Variants in RUFY3 observed in about 807,000 individuals in gnomAD.
RUFY3 encodes the protein protein RUFY3.
Under a neutral mutation model 84.0 loss-of-function variants are expected in RUFY3, and 34 were observed. The ratio of observed to expected loss-of-function variants is 0.40; its 90% CI spans 0.31 to 0.54. The LOEUF is 0.54. RUFY3 is among the 20% of genes least tolerant of loss of function. RUFY3 has a pLI of 0.39. For missense variants in RUFY3, 507 were observed against 736.8 expected (o/e 0.69, Z 3.61); for synonymous variants, 242 against 252.9 (o/e 0.96, Z 0.41).
upstream of RUFY3, chr4:70,721,897 A>G (rs1742344607): frequency 8.1e-7 from 1 of 1,231,142 alleles, no homozygotes; most frequent in Non-Finnish European, 1.0e-6. Context: ...AGCATCTATA[A>G]AGCATCCTGG....
At chr4:70,806,215 C>T (rs1395682348) in intron 17 of RUFY3, among the ~76,000 whole-genome samples, 1 of 152,182 alleles carries the variant, frequency 6.6e-6, no homozygotes, top group Admixed American at 6.5e-5. Context: ...TTAAAACTAA[C>T]CTACCTCAAA....
chr4:70,723,143 A>G (rs1265918094), intron 1 of RUFY3, among the ~76,000 whole-genome samples: 3 of 152,218 alleles, frequency 2.0e-5, no homozygotes, highest in Admixed American at 2.0e-4. Context: ...GACTATAATT[A>G]TAGGATTGTA....
chr4:70,745,342 A>T (rs1722030212), intron 1 of RUFY3, among the ~76,000 whole-genome samples: 1 of 152,228 alleles, frequency 6.6e-6, no homozygotes, highest in Non-Finnish European at 1.5e-5. Context: ...CAATTGTATG[A>T]TGTACAACAC....
At position 70,704,979 on chromosome 4, in the gene RUFY3, T is replaced by C. The variant is rs1740091197; in HGVS notation, c.43T>C (p.Cys15Arg). 6 of 1,224,866 alleles carry C rather than the reference T, an allele frequency of 4.9e-6. No individual in the cohort carries two copies. The South Asian group carries it at 2.2e-4, about 46-fold the overall frequency. The allele number at this position is 1,224,866 out of a possible 1,614,324, so 75.9% of individuals were successfully genotyped here. ...GCCGCCCACCGCTGGTGCCGAAAGT[T>C]GCAGCGAGGAGCCGGCGAGGGGCGG... The change falls in exon 1 of 12, where the codon TGC (cysteine) becomes CGC (arginine). Residue 15 changes from cysteine to arginine, a missense_variant. By Grantham distance (180) the Cys-to-Arg change is radical. Coordinates refer to the RUFY3 transcript ENST00000417478.
intron 1 of RUFY3, among the ~76,000 whole-genome samples, chr4:70,730,630 T>C (rs1357820873): frequency 2.0e-5 from 3 of 150,194 alleles, no homozygotes; most frequent in African/African-American, 7.4e-5. Context: ...TCCCAACTAC[T>C]TGGGAGACTG....
At chr4:70,717,409 G>A (rs1364425923), upstream of RUFY3, among the ~76,000 whole-genome samples, 2 of 152,154 alleles carry the variant, frequency 1.3e-5, no homozygotes, top group African/African-American at 4.8e-5. Context: ...CAGTTTGTCA[G>A]AATGTGCCCA....
chr4:70,727,975 GTA>G (rs1718575858), intron 1 of RUFY3, among the ~76,000 whole-genome samples: 1 of 151,992 alleles, frequency 6.6e-6, no homozygotes. Flanking sequence ...AATTAGAAAT[GTA>G]TATGTTAATA....
intron 1 of RUFY3, among the ~76,000 whole-genome samples, chr4:70,744,627 T>A (rs906733517): frequency 7.2e-5 from 11 of 151,728 alleles, no homozygotes; most frequent in African/African-American, 2.7e-4. Context: ...GTTTCAGTTC[T>A]GTCACAATTG....
chr4:70,757,822 T>A (rs1242004990), intron 1 of RUFY3, among the ~76,000 whole-genome samples: 2 of 152,152 alleles, frequency 1.3e-5, no homozygotes, highest in African/African-American at 4.8e-5. Context: ...ATTAAAACAA[T>A]ATCTAACACA....
chr4:70,736,594 G>A (rs113036297), intron 1 of RUFY3, among the ~76,000 whole-genome samples: 1,712 of 151,358 alleles, frequency 0.011, 35 homozygotes, highest in African/African-American at 0.039. Context: ...TTTCTGAGAC[G>A]GAGTTTTGCT....
At chr4:70,739,218 TG>T (rs1469856847) in intron 1 of RUFY3, among the ~76,000 whole-genome samples, 7 of 152,314 alleles carry the variant, frequency 4.6e-5, no homozygotes, top group African/African-American at 1.7e-4. Flanking sequence ...AATAATACTA[TG>T]GTTAGTTTAA....
At position 70,788,810 on chromosome 4, in the gene RUFY3, T is replaced by A. The variant is rs140962303; in HGVS notation, c.1076T>A (p.Val359Asp). Residue 359 changes from valine (V) to aspartate (D), a missense_variant, in exon 11 of 18, where the codon GTT becomes GAT. Physicochemically the swap from Val to Asp is radical, Grantham distance 152. Around this residue, in one of 4 missense-constraint regions of RUFY3, gnomAD observed 334 missense variants for 364.1 expected, o/e 0.92. Coordinates refer to ENST00000381006, the MANE Select transcript of RUFY3 (RefSeq NM_001037442.4). ...LKEETQLRLD[V>D]EKELEMQISM... is the part of the protein sequence containing the mutation. ...TTTACTTACCTTTGGGGGCAGGATG[T>A]TGAGAAAGAACTGGAGATGCAGATC... 6.8e-6 allele frequency: 11 copies of A among 1,613,706 alleles called. No homozygotes were observed. Among genetic ancestry groups the A allele is most frequent in the Non-Finnish European group, 9.3e-6 (11 of 1,179,862 alleles).
rs772147067 is a variant in RUFY3, at chr4:70,807,380, A to ATTT, written c.*721_*722insTTT. The ATTT allele has an allele frequency of 1.4e-4, 22 of 152,202 alleles. No homozygotes were observed. The highest frequency in any genetic ancestry group is 3.3e-4 in the Admixed American group (5 of 15,274). The allele number at this position is 152,202 out of a possible 1,614,324, so 9.4% of individuals were successfully genotyped here. On this transcript the variant is annotated 3_prime_UTR_variant, in exon 18 of 18. Transcript: ENST00000381006. Reference sequence around the variant, plus strand: ...ACTGCCCTTTTCAGAATCTCCTTCCACAAAACAAGCCAACTCTTCCCCATT... The same window carrying ATTT: ...ACTGCCCTTTTCAGAATCTCCTTCCATTTCAAAACAAGCCAACTCTTCCCCATT...
intron 8 of RUFY3, among the ~76,000 whole-genome samples, chr4:70,782,149 T>C (rs563783329): frequency 2.6e-5 from 4 of 152,298 alleles, no homozygotes; most frequent in African/African-American, 9.6e-5. Flanking sequence ...ACAGGACCCC[T>C]TTATTAAACA....
Position 70,806,513 on chromosome 4 carries a change from T to C in RUFY3, c.1720-3T>C, listed in dbSNP as rs202244546. The C allele has an allele frequency of 2.5e-6, 4 of 1,614,122 alleles. No homozygotes were observed. Among genetic ancestry groups the C allele is most frequent in the African/African-American group, 2.7e-5 (2 of 75,050 alleles). ...TTCCCCGCCTAACCTCCTCTTCTCA[T>C]AGAATGTGTGTAAGAACTGCAGCGG... On this transcript the variant is annotated splice_polypyrimidine_tract_variant and splice_region_variant and intron_variant, in intron 17 of 17. Transcript: ENST00000381006.
chr4:70,704,168 C>G (rs1225623180), upstream of RUFY3: 2 of 152,180 alleles, frequency 1.3e-5, no homozygotes, highest in African/African-American at 4.8e-5. Context: ...CATGCGCACC[C>G]GCGGCACTAG....
chr4:70,746,610 A>G (rs746255945), intron 1 of RUFY3, among the ~76,000 whole-genome samples: 6 of 152,064 alleles, frequency 3.9e-5, no homozygotes, highest in Admixed American at 6.6e-5. Context: ...ATGGTTACGT[A>G]TAAGAACTTG....
chr4:70,703,885 T>A (rs143588122), upstream of RUFY3: 2 of 152,310 alleles, frequency 1.3e-5, no homozygotes, highest in Admixed American at 1.3e-4. Context: ...GATTTTTAAT[T>A]ATGAGTCAAC....
At chr4:70,733,311 G>A (rs966074131) in intron 1 of RUFY3, among the ~76,000 whole-genome samples, 1 of 152,244 alleles carries the variant, frequency 6.6e-6, no homozygotes, top group Non-Finnish European at 1.5e-5. Context: ...TTAGAATAAT[G>A]TAATAATTTG....
Sources: gnomAD v4.1 joint callset for allele counts (sites outside exome capture counted in the v4.1 genomes callset) on GRCh38, gnomAD v4.1.1 for gene constraint, gnomAD v4.1.1 regional missense constraint, MANE v1.5 for transcripts, NCBI Gene and HGNC (gene_info 2026-07-23, HGNC 2026-07-21) for gene names.